The following ARK2N variants were observed in gnomAD, a reference collection of about 807,000 sequenced individuals.
ARK2N encodes the protein arkadia (RNF111) N-terminal like PKA signaling regulator 2N.
the ARK2N span, among the ~76,000 whole-genome samples, chr18:46,198,280 A>G: frequency 7.1e-6 from 1 of 140,518 alleles, no homozygotes; most frequent in East Asian, 2.2e-4. Flanking sequence ...ACTGCACTCC[A>G]GTATGGATGA....
chr18:46,208,879 G>A, the ARK2N span, among the ~76,000 whole-genome samples: 1 of 152,182 alleles, frequency 6.6e-6, no homozygotes, highest in African/African-American at 2.4e-5. Flanking sequence ...GATAATGTGG[G>A]TAATATGCAT....
At chr18:46,203,253 A>T in the ARK2N span, among the ~76,000 whole-genome samples, 37 of 152,206 alleles carry the variant, frequency 2.4e-4, 1 homozygote, top group Non-Finnish European at 4.6e-4. Flanking sequence ...GTCTATCAAG[A>T]GTAGAATGGA....
chr18:46,223,892 G>A, the ARK2N span, among the ~76,000 whole-genome samples: 1 of 152,138 alleles, frequency 6.6e-6, no homozygotes, highest in Non-Finnish European at 1.5e-5. Flanking sequence ...ATAAAGATTA[G>A]GAATGGGGTA....
the ARK2N span, among the ~76,000 whole-genome samples, chr18:46,197,996 A>G: frequency 6.6e-6 from 1 of 152,018 alleles, no homozygotes; most frequent in African/African-American, 2.4e-5. Flanking sequence ...TTTTCCTACG[A>G]TATTTCCATT....
chr18:46,209,576 T>C, the ARK2N span, among the ~76,000 whole-genome samples: 4 of 152,152 alleles, frequency 2.6e-5, no homozygotes, highest in Non-Finnish European at 5.9e-5. Flanking sequence ...TCATTGTCCA[T>C]AATTAACAAC....
chr18:46,249,946 C>T, the ARK2N span, among the ~76,000 whole-genome samples: 1,824 of 152,220 alleles, frequency 0.012, 16 homozygotes, highest in Non-Finnish European at 0.019. Flanking sequence ...CTCAGTTTCC[C>T]GAGTTGCTGA....
At chr18:46,201,759 G>GTTTTCTTTTC in the ARK2N span, among the ~76,000 whole-genome samples, 1 of 148,934 alleles carries the variant, frequency 6.7e-6, no homozygotes, top group Non-Finnish European at 1.5e-5. Context: ...ATCAGATCTA[G>GTTTTCTTTTC]TTTTCTTTTC....
the ARK2N span, among the ~76,000 whole-genome samples, chr18:46,192,557 C>G: frequency 6.6e-6 from 1 of 151,182 alleles, no homozygotes; most frequent in South Asian, 2.1e-4. Context: ...AGCCTGGCGA[C>G]AGAGCAAGAC....
chr18:46,178,438 G>A, the ARK2N span, among the ~76,000 whole-genome samples: 1 of 152,060 alleles, frequency 6.6e-6, no homozygotes, highest in African/African-American at 2.4e-5. Context: ...TCAGCCTCCC[G>A]AGTAGTTGGG....
the ARK2N span, among the ~76,000 whole-genome samples, chr18:46,226,418 C>T: frequency 6.6e-6 from 1 of 152,060 alleles, no homozygotes; most frequent in Admixed American, 6.5e-5. Flanking sequence ...GTAAAGGATA[C>T]CTGTAGAGGG....
chr18:46,236,505 G>A, the ARK2N span, among the ~76,000 whole-genome samples: 3 of 152,214 alleles, frequency 2.0e-5, no homozygotes, highest in Non-Finnish European at 4.4e-5. Flanking sequence ...AAACCAGTAA[G>A]TTCAATATTA....
At chr18:46,261,054 C>G in the ARK2N span, among the ~76,000 whole-genome samples, 2 of 152,188 alleles carry the variant, frequency 1.3e-5, no homozygotes, top group Non-Finnish European at 2.9e-5. Context: ...TACATTGACT[C>G]TCTTTGCCAC....
chr18:46,216,412 A>G, the ARK2N span: 1 of 1,614,100 alleles, frequency 6.2e-7, no homozygotes, highest in Non-Finnish European at 8.5e-7. This position sits in a 1 kb window ranked among gnomAD's most constrained non-coding sequence, Gnocchi z 4.3. Flanking sequence ...TCGGAGCCAA[A>G]AGCACAAGGA....
chr18:46,198,893 A>G, the ARK2N span, among the ~76,000 whole-genome samples: 61 of 152,264 alleles, frequency 4.0e-4, no homozygotes, highest in African/African-American at 1.4e-3. Flanking sequence ...CACTGTGCCC[A>G]GCCTTTTTCC....
the ARK2N span, among the ~76,000 whole-genome samples, chr18:46,202,802 T>TAAA: frequency 1.4e-5 from 2 of 145,416 alleles, no homozygotes; most frequent in Admixed American, 6.8e-5. Context: ...AAATAAAAAT[T>TAAA]AAAAAAAAAA....
chr18:46,262,375 T>G, the ARK2N span, among the ~76,000 whole-genome samples: 4 of 152,230 alleles, frequency 2.6e-5, no homozygotes, highest in Non-Finnish European at 5.9e-5. Flanking sequence ...CAAGTGCTTC[T>G]GTTGTGACCT....
chr18:46,253,949 G>GT, the ARK2N span: 1 of 1,120,592 alleles, frequency 8.9e-7, no homozygotes, highest in Non-Finnish European at 1.2e-6. Flanking sequence ...GGAGTTCTTG[G>GT]TTTTGTTTTG....
chr18:46,185,648 CTT>C, the ARK2N span, among the ~76,000 whole-genome samples: 1 of 152,170 alleles, frequency 6.6e-6, no homozygotes, highest in Admixed American at 6.6e-5. Flanking sequence ...CAATTTGTCT[CTT>C]GTTTTCCAGT....
chr18:46,226,599 T>C, the ARK2N span, among the ~76,000 whole-genome samples: 8 of 152,180 alleles, frequency 5.3e-5, no homozygotes, highest in Admixed American at 5.2e-4. Context: ...TGTCAAAAGA[T>C]AGAAAATACC....
Sources: gnomAD v4.1 joint callset for allele counts (sites outside exome capture counted in the v4.1 genomes callset) on GRCh38, gnomAD v4.1.1 for gene constraint, Gnocchi (gnomAD v3.1) non-coding constraint, MANE v1.5 for transcripts, NCBI Gene and HGNC (gene_info 2026-07-23, HGNC 2026-07-21) for gene names.